RAC2: variants seen among roughly 807,000 people sequenced by gnomAD.
The protein encoded by RAC2 is Rac family small GTPase 2.
A neutral mutation model predicts 24.0 loss-of-function variants in RAC2; 1 was observed. That is an observed-to-expected ratio of 0.04 (90% confidence interval 0.01 to 0.20). The LOEUF (loss-of-function observed/expected upper bound fraction) is 0.20, where lower values mean the gene tolerates loss of function less well. RAC2 is among the 10% of genes least tolerant of loss of function. The pLI is 1.00. For missense variants in RAC2, 130 were observed against 259.1 expected (o/e 0.50, Z 3.42); for synonymous variants, 114 against 106.8 (o/e 1.07, Z -0.41).
rs549310499 is a variant in RAC2, at chr22:37,226,016, T to C, written c.*26A>G. The C allele has an allele frequency of 6.4e-6, 1 of 155,664 alleles. No individual in the cohort carries two copies. The highest frequency in any genetic ancestry group is 2.0e-4 in the South Asian group (1 of 5,102). The allele number at this position is 155,664 out of a possible 1,614,324, so 9.6% of individuals were successfully genotyped here. On this transcript the variant is annotated 3_prime_UTR_variant, in exon 7 of 7. Coordinates refer to ENST00000249071, the MANE Select transcript of RAC2 (RefSeq NM_002872.5). Reference sequence around the variant, plus strand: ...GGGATCCTGGAGGATCAGACCCATCTAGGTGGGAGCGCTGGGGTGCAACCT... The same window carrying C: ...GGGATCCTGGAGGATCAGACCCATCCAGGTGGGAGCGCTGGGGTGCAACCT...
chr22:37,232,267 A>C, intron 3 of RAC2: 1 of 543,774 alleles, frequency 1.8e-6, no homozygotes, highest in Admixed American at 3.1e-5. Context: ...CATTCCTCAG[A>C]CAGGGAAAGT....
Position 37,231,846 on chromosome 22 carries a change from G to A in RAC2, c.288+86C>T. The stretch of plus-strand genomic sequence containing the variant: ...CTGTATGCGACCTCTGCTGCCCCAG[G>A]GACCAGCCTAGAGTCACCAGTTCCT... On this transcript the variant is annotated intron_variant, in intron 4 of 6. Coordinates refer to ENST00000249071, the MANE Select transcript of RAC2 (RefSeq NM_002872.5). This position sits in a 1 kb window ranked among gnomAD's most constrained non-coding sequence, Gnocchi z 5.5. 1 of 1,461,596 alleles carries A rather than the reference G, an allele frequency of 6.8e-7. No homozygotes were observed. Among genetic ancestry groups the A allele is most frequent in the Non-Finnish European group, 9.4e-7 (1 of 1,067,928 alleles). 90.5% of individuals were successfully genotyped at this position (1,461,596 alleles called of 1,614,324 possible).
chr22:37,236,206 C>A (rs923409412), intron 2 of RAC2, among the ~76,000 whole-genome samples: 79 of 152,302 alleles, frequency 5.2e-4, no homozygotes, highest in African/African-American at 1.8e-3. Context: ...AGCCACCCCA[C>A]TGGGAGATGC....
intron 2 of RAC2, among the ~76,000 whole-genome samples, chr22:37,239,075 C>T (rs1398512066): frequency 6.6e-6 from 1 of 152,158 alleles, no homozygotes; most frequent in Non-Finnish European, 1.5e-5. Context: ...ACCTTCTCTC[C>T]CTCTTCCCCC....
At chr22:37,237,193 A>AAGGAAGGAAGGG (rs1385428835) in intron 2 of RAC2, among the ~76,000 whole-genome samples, 2 of 139,994 alleles carry the variant, frequency 1.4e-5, no homozygotes, top group Admixed American at 1.4e-4. Flanking sequence ...GTCAGGAAGG[A>AAGGAAGGAAGGG]AGGAAGGAAG....
intron 1 of RAC2, among the ~76,000 whole-genome samples, chr22:37,243,343 GA>G: frequency 1.3e-5 from 2 of 152,222 alleles, no homozygotes; most frequent in South Asian, 4.1e-4. Context: ...GCCCCCAGGG[GA>G]CAAGACAGCC....
At chr22:37,234,048 G>A (rs377679638) in intron 2 of RAC2, among the ~76,000 whole-genome samples, 1 of 152,114 alleles carries the variant, frequency 6.6e-6, no homozygotes, top group Non-Finnish European at 1.5e-5. Flanking sequence ...AATGTCTCCC[G>A]CCAGACCCAG....
chr22:37,232,012 G>A lies in RAC2; in HGVS notation c.226-18C>T, dbSNP rs776743351. 24 of 1,517,648 alleles carry A rather than the reference G, an allele frequency of 1.6e-5. No individual in the cohort carries two copies. In the Admixed American group the frequency reaches 2.3e-4, roughly 14 times the overall value. The allele number at this position is 1,517,648 out of a possible 1,614,324, so 94.0% of individuals were successfully genotyped here. A position where few individuals can be genotyped will look rare whatever the true frequency, so the allele number is the denominator to read the frequency against. On this transcript the variant is annotated intron_variant, in intron 3 of 6. Coordinates refer to ENST00000249071, the MANE Select transcript of RAC2 (RefSeq NM_002872.5). ...AAGACGTCCTGGGGACAGAGCAAGCGAGGTTGCTAGTGAGGAGGGCCCAGA... is the reference window on the plus strand; with the variant it reads ...AAGACGTCCTGGGGACAGAGCAAGCAAGGTTGCTAGTGAGGAGGGCCCAGA...
At chr22:37,226,581 C>T (rs930025803) in intron 6 of RAC2, 90 bp downstream of exon 6, 31 of 1,538,700 alleles carry the variant, frequency 2.0e-5, no homozygotes, top group South Asian at 1.2e-4. Context: ...TCTGTCCTGG[C>T]CTAAATGCCA....
At chr22:37,236,490 G>A (rs1174927477) in intron 2 of RAC2, among the ~76,000 whole-genome samples, 1 of 152,282 alleles carries the variant, frequency 6.6e-6, no homozygotes, top group Non-Finnish European at 1.5e-5. Flanking sequence ...GTGGGTGGCA[G>A]AGCAAGGCTA....
In RAC2 at chr22:37,241,616, G is replaced by A. The variant is rs375093215; in HGVS notation, c.78C>T (p.Asn26=). Residue 26 remains asparagine, a synonymous_variant, in exon 2 of 7, where the codon AAC becomes AAT. Transcript: ENST00000249071. ...TGGGGATGTACTCTCCGGGAAAGGCGTTGGTGGTGTAGCTGATGAGAAGGC... is the reference window on the plus strand; with the variant it reads ...TGGGGATGTACTCTCCGGGAAAGGCATTGGTGGTGTAGCTGATGAGAAGGC... ...KTCLLISYTT[N]AFPGEYIPTV... 2.5e-5 allele frequency: 41 copies of A among 1,613,964 alleles called. No homozygotes were observed. Among genetic ancestry groups the A allele is most frequent in the Middle Eastern group, 1.6e-4 (1 of 6,084 alleles).
chr22:37,234,589 G>A (rs1051117773), intron 2 of RAC2, among the ~76,000 whole-genome samples: 6 of 152,042 alleles, frequency 3.9e-5, no homozygotes, highest in East Asian at 1.9e-4. Context: ...TGAGACCTCC[G>A]GCTCCTCTGA....
intron 5 of RAC2, among the ~76,000 whole-genome samples, chr22:37,227,744 G>A (rs770573441): frequency 2.8e-5 from 4 of 140,766 alleles, no homozygotes; most frequent in Non-Finnish European, 4.6e-5. Flanking sequence ...TCTGGGGGCC[G>A]CCATCCAGTC....
In RAC2 at chr22:37,244,253, C is replaced by T; in HGVS notation, c.-105G>A. Reference sequence around the variant, plus strand: ...TGGTGAGGCGCCTGCTGAGGAGCAGCGGTGGTGGGGCAGGAGGAAACGGAA... The same window carrying T: ...TGGTGAGGCGCCTGCTGAGGAGCAGTGGTGGTGGGGCAGGAGGAAACGGAA... On this transcript the variant is annotated 5_prime_UTR_variant, in exon 1 of 7. Transcript: ENST00000249071. 2 of 1,303,584 alleles carry T rather than the reference C, an allele frequency of 1.5e-6. No individual in the cohort carries two copies. The highest frequency in any genetic ancestry group is 2.2e-6 in the Non-Finnish European group (2 of 920,244). The allele number at this position is 1,303,584 out of a possible 1,614,324, so 80.8% of individuals were successfully genotyped here.
chr22:37,244,125 C>T lies in RAC2; in HGVS notation c.24G>A (p.Val8=). The T allele has an allele frequency of 6.2e-7, 1 of 1,614,224 alleles. No homozygotes were observed. The highest frequency in any genetic ancestry group is 8.5e-7 in the Non-Finnish European group (1 of 1,180,022). MQAIKCV[V]VGDGAVGKTC... is the part of the protein sequence containing the mutation. ...AGCCAGGTACCTACCCATCTCCCAC[C>T]ACCACACACTTGATGGCCTGCATCG... Residue 8 remains valine (V), a synonymous_variant, in exon 1 of 7, where the codon GTG becomes GTA. Coordinates refer to ENST00000249071, the MANE Select transcript of RAC2 (RefSeq NM_002872.5).
At chr22:37,241,110 A>T in intron 2 of RAC2, 1 of 776,932 alleles carries the variant, frequency 1.3e-6, no homozygotes. Flanking sequence ...CGCTCCCTCC[A>T]CGTCCGATGA....
intron 2 of RAC2, 97 bp from the exon 3 acceptor site, chr22:37,233,015 C>T: frequency 3.2e-6 from 3 of 926,318 alleles, no homozygotes; most frequent in South Asian, 1.3e-5. Context: ...AGGCTGAGAC[C>T]TAGAGACAGT....
At position 37,231,788 on chromosome 22, in the gene RAC2, T is replaced by A; in HGVS notation, c.288+144A>T. 1 of 949,376 alleles carries A rather than the reference T, an allele frequency of 1.1e-6. No homozygotes were observed. Among genetic ancestry groups the A allele is most frequent in the Non-Finnish European group, 1.6e-6 (1 of 622,712 alleles). 58.8% of individuals were successfully genotyped at this position (949,376 alleles called of 1,614,324 possible). A position where few individuals can be genotyped will look rare whatever the true frequency, so the allele number is the denominator to read the frequency against. On this transcript the variant is annotated intron_variant, in intron 4 of 6. Coordinates refer to ENST00000249071, the MANE Select transcript of RAC2 (RefSeq NM_002872.5). The surrounding 1 kb of genome is among the most constrained non-coding windows in gnomAD (Gnocchi z 5.5). The stretch of plus-strand genomic sequence containing the variant: ...TCTGAATCTTACCCCCTCAAGTCCC[T>A]CTGCCAGCCCTGGTTGGCACTGGGG...
chr22:37,238,029 G>C (rs144828173), intron 2 of RAC2, among the ~76,000 whole-genome samples: 1 of 152,178 alleles, frequency 6.6e-6, no homozygotes, highest in East Asian at 1.9e-4. Flanking sequence ...GTGTCATAAA[G>C]GGGAGTGAAG....
Sources: gnomAD v4.1 joint callset for allele counts (sites outside exome capture counted in the v4.1 genomes callset) on GRCh38, gnomAD v4.1.1 for gene constraint, Gnocchi (gnomAD v3.1) non-coding constraint, MANE v1.5 for transcripts, NCBI Gene and HGNC (gene_info 2026-07-23, HGNC 2026-07-21) for gene names.